The following ATG16L2 variants were observed in gnomAD, a reference collection of about 807,000 sequenced individuals.
The protein encoded by ATG16L2 is protein Atg16l2.
A neutral mutation model predicts 84.7 loss-of-function variants in ATG16L2; 77 were observed. The ratio of observed to expected loss-of-function variants is 0.91; its 90% CI spans 0.76 to 1.10. The LOEUF (loss-of-function observed/expected upper bound fraction) is 1.10. Ranked by LOEUF, ATG16L2 falls within the 50% of genes least tolerant of loss-of-function variation. The probability of loss-of-function intolerance (pLI) is 0.00; values close to 1 mark genes in which losing one functional copy is unlikely to be tolerated. For synonymous variants in ATG16L2, 361 were observed against 342.8 expected, an observed-to-expected ratio of 1.05 and a Z score of -0.59; for missense variants, 782 against 817.6, an observed-to-expected ratio of 0.96 and a Z score of 0.53.
At chr11:72,829,018 C>T (rs1860527116) in intron 17 of ATG16L2, 34 bp downstream of exon 17, 1 of 1,598,618 alleles carries the variant, frequency 6.3e-7, no homozygotes, top group African/African-American at 1.3e-5. Flanking sequence ...ACCTGCCTGG[C>T]CCCAGTCCTG....
downstream of ATG16L2, among the ~76,000 whole-genome samples, chr11:72,832,398 G>C (rs1037674983): frequency 5.3e-5 from 8 of 152,162 alleles, no homozygotes; most frequent in Non-Finnish European, 1.0e-4. Flanking sequence ...GTGCTTCCTG[G>C]AGGAACAAGT....
Position 72,824,137 on chromosome 11 carries a change from G to A in ATG16L2, c.887+15G>A. On this transcript the variant is annotated intron_variant, in intron 8 of 17. Coordinates refer to ENST00000321297, the MANE Select transcript of ATG16L2 (RefSeq NM_033388.2). Reference sequence around the variant, plus strand: ...GGGCTTCTGGAGTAAGTGTGTGTGTGCCTGTGTGTGCACCCACGTGTGTGT... The same window carrying A: ...GGGCTTCTGGAGTAAGTGTGTGTGTACCTGTGTGTGCACCCACGTGTGTGT... 1 of 1,614,144 alleles carries A rather than the reference G, an allele frequency of 6.2e-7. No individual in the cohort carries two copies. The highest frequency in any genetic ancestry group is 8.5e-7 in the Non-Finnish European group (1 of 1,179,998).
rs778083614 is a variant in ATG16L2 at position 72,824,742 on chromosome 11, AGAG to A, written c.900_902del (p.Arg301del). ...AACCCACCTTACCCCAGTTTTAAGA[AGAG>A]GAGAGGTCACTCAATTGGGGGAGCC... On this transcript the variant is annotated inframe_deletion, in exon 9 of 18. Coordinates refer to ENST00000321297, the MANE Select transcript of ATG16L2 (RefSeq NM_033388.2). 21 of 1,613,662 alleles carry A rather than the reference AGAG, an allele frequency of 1.3e-5. No individual in the cohort carries two copies. The Admixed American group carries it at 1.3e-4, about 10-fold the overall frequency.
chr11:72,821,088 A>C (rs7120156), intron 3 of ATG16L2: 402,134 of 408,888 alleles, frequency 0.98, 198,113 homozygotes, highest in East Asian at 1. Context: ...CATTCCCCTG[A>C]CCAGCCTGGA....
At chr11:72,816,971 G>T in intron 2 of ATG16L2, 144 bp downstream of exon 2, 1 of 589,828 alleles carries the variant, frequency 1.7e-6, no homozygotes, top group Non-Finnish European at 3.1e-6. Context: ...GGAGGTGGTG[G>T]GGGTGGTGGG....
intron 5 of ATG16L2, among the ~76,000 whole-genome samples, chr11:72,841,236 A>C (rs1320331937): frequency 6.9e-6 from 1 of 145,768 alleles, no homozygotes; most frequent in Non-Finnish European, 1.5e-5. Context: ...AGGGAGGCTG[A>C]GGCAGGAGGA....
At position 72,822,921 on chromosome 11, in the gene ATG16L2, C is replaced by G; in HGVS notation, c.784C>G (p.Leu262Val). Reference protein sequence around the residue: ...TLALAPEPEPLEKEACEKWKR... With the variant: ...TLALAPEPEPVEKEACEKWKR... ...GGCTCTGGCCCCTGAGCCAGAGCCCCTGGAGAAGGAAGCTTGTGAGAAGTG... is the reference window on the plus strand; with the variant it reads ...GGCTCTGGCCCCTGAGCCAGAGCCCGTGGAGAAGGAAGCTTGTGAGAAGTG... Residue 262 changes from leucine to valine, a missense_variant, in exon 7 of 18, where the codon CTG becomes GTG. Transcript: ENST00000321297. The surrounding 1 kb of genome is among the most constrained non-coding windows in gnomAD (Gnocchi z 4.2). The G allele has an allele frequency of 6.3e-7, 1 of 1,579,170 alleles. No homozygotes were observed.
In ATG16L2 at chr11:72,824,388, G is replaced by A; in HGVS notation, c.887+266G>A. On this transcript the variant is annotated intron_variant, in intron 8 of 17. Transcript: ENST00000321297. ...AAGAGCTCCAGCCTCAGGCAGGGCA[G>A]GAGCTCCTACTCAATTGGGAAAAAT... The A allele has an allele frequency of 3.1e-5, 18 of 579,014 alleles. No individual in the cohort carries two copies. In the South Asian group the frequency reaches 3.7e-4, roughly 12 times the overall value. 35.9% of individuals were successfully genotyped at this position (579,014 alleles called of 1,614,324 possible).
chr11:72,822,471 C>G lies in ATG16L2; in HGVS notation c.645-7C>G, dbSNP rs185295626. 6.8e-6 allele frequency: 11 copies of G among 1,613,202 alleles called. No homozygotes were observed. In the South Asian group the frequency reaches 1.1e-4, roughly 16 times the overall value. On this transcript the variant is annotated splice_region_variant and splice_polypyrimidine_tract_variant and intron_variant, in intron 5 of 17. Transcript: ENST00000321297. The surrounding 1 kb of genome is among the most constrained non-coding windows in gnomAD (Gnocchi z 4.2). ...CCAGGGTCTCAGGATGCTTTTTACC[C>G]AACAAGGGCCAAGCAGGCGCGGGTG...
At chr11:72,824,006 A>G (rs1164419456) in intron 7 of ATG16L2, 54 bp from the exon 8 acceptor site, 48 of 1,599,570 alleles carry the variant, frequency 3.0e-5, no homozygotes, top group Non-Finnish European at 4.0e-5. Context: ...ATGGACAGCC[A>G]TTTGTACACA....
rs1019907337 is a variant in ATG16L2, at chr11:72,826,507, C to T, written c.1174-11C>T. On this transcript the variant is annotated splice_polypyrimidine_tract_variant and intron_variant, in intron 11 of 17. Transcript: ENST00000321297. Reference sequence around the variant, plus strand: ...GCTTAGCACCTCTCACTTCCTCTCCCATTTCTCCAGGGCTACCAGGTTTTA... The same window carrying T: ...GCTTAGCACCTCTCACTTCCTCTCCTATTTCTCCAGGGCTACCAGGTTTTA... 16 of 1,614,020 alleles carry T rather than the reference C, an allele frequency of 9.9e-6. No homozygotes were observed. Among genetic ancestry groups the T allele is most frequent in the African/African-American group, 1.3e-5 (1 of 75,038 alleles).
At position 72,822,260 on chromosome 11, in the gene ATG16L2, G is replaced by T; in HGVS notation, c.609G>T (p.Ala203=). The T allele has an allele frequency of 6.7e-7, 1 of 1,500,572 alleles. No homozygotes were observed. Among genetic ancestry groups the T allele is most frequent in the South Asian group, 1.3e-5 (1 of 79,890 alleles). 93.0% of individuals were successfully genotyped at this position (1,500,572 alleles called of 1,614,324 possible). The change falls in exon 5 of 18, where the codon GCG becomes GCT. Residue 203 remains alanine (A), a synonymous_variant. Transcript: ENST00000321297. The surrounding 1 kb of genome is among the most constrained non-coding windows in gnomAD (Gnocchi z 4.2). The part of the protein sequence containing the change: ...ERLVQRKARA[A]AERNLRNERR... ...TCGTGCAGCGCAAGGCGCGCGCCGC[G>T]GCCGAGCGCAACCTGCGCAACGAGC...
chr11:72,837,543 C>T (rs1296130544), intron 5 of ATG16L2: 3 of 152,040 alleles, frequency 2.0e-5, no homozygotes, highest in Admixed American at 1.3e-4. Flanking sequence ...TCTACAGGAG[C>T]GGACAGCAGA....
downstream of ATG16L2, among the ~76,000 whole-genome samples, chr11:72,830,459 T>C (rs1280520173): frequency 1.3e-5 from 2 of 152,182 alleles, no homozygotes; most frequent in African/African-American, 4.8e-5. Context: ...CATCCAATCC[T>C]TTCCCTTACT....
chr11:72,833,591 C>G (rs1290319566), downstream of ATG16L2, among the ~76,000 whole-genome samples: 1 of 152,144 alleles, frequency 6.6e-6, no homozygotes, highest in African/African-American at 2.4e-5. Flanking sequence ...TGAGCCCTGT[C>G]CCTGGGTTCA....
intron 5 of ATG16L2, among the ~76,000 whole-genome samples, chr11:72,841,266 G>T (rs984884113): frequency 7.0e-6 from 1 of 143,816 alleles, no homozygotes; most frequent in Admixed American, 7.5e-5. Context: ...CCCAGGAATT[G>T]GTTGCTATGA....
At position 72,814,634 on chromosome 11, in the gene ATG16L2, G is replaced by A. The variant is rs192323223; in HGVS notation, c.118+71G>A. ...GCTACGGGCGCGGGGAGAGGGTTTG[G>A]CTGGCTCCTCCGCCTGTGACCCGAG... On this transcript the variant is annotated intron_variant, in intron 1 of 17. Coordinates refer to ENST00000321297, the MANE Select transcript of ATG16L2 (RefSeq NM_033388.2). 7.5e-4 allele frequency: 986 copies of A among 1,310,616 alleles called. 2 individuals carry two copies. Among genetic ancestry groups the A allele is most frequent in the Middle Eastern group, 3.5e-3 (16 of 4,518 alleles). 81.2% of individuals were successfully genotyped at this position (1,310,616 alleles called of 1,614,324 possible). A position where few individuals can be genotyped will look rare whatever the true frequency, so the allele number is the denominator to read the frequency against.
intron 7 of ATG16L2, 88 bp downstream of exon 7, chr11:72,823,049 C>A (rs1860109414): frequency 2.1e-6 from 2 of 941,310 alleles, no homozygotes; most frequent in Admixed American, 2.8e-5. Flanking sequence ...TTGGAGCCAG[C>A]TCTTGGGTTG....
At chr11:72,821,850 C>T (rs1476388430) in intron 4 of ATG16L2, 109 bp downstream of exon 4, 4 of 1,446,940 alleles carry the variant, frequency 2.8e-6, no homozygotes, top group East Asian at 2.5e-5. Flanking sequence ...TCCCTACGTC[C>T]CCCCGACCCC....
Sources: allele counts gnomAD v4.1 joint callset (sites outside exome capture counted in the v4.1 genomes callset), GRCh38; gene constraint gnomAD v4.1.1; non-coding constraint Gnocchi (gnomAD v3.1); transcripts MANE v1.5; gene names NCBI Gene and HGNC (gene_info 2026-07-23, HGNC 2026-07-21).